The following CGREF1 variants were observed in gnomAD, a reference collection of about 807,000 sequenced individuals.
The protein encoded by CGREF1 is cell growth regulator with EF hand domain protein 1.
A neutral mutation model predicts 17.4 loss-of-function variants in CGREF1; 16 were observed. That is an observed-to-expected ratio of 0.92 (90% CI 0.62 to 1.40). The LOEUF (loss-of-function observed/expected upper bound fraction) is 1.40, where lower values mean the gene tolerates loss of function less well. Ranked by LOEUF, CGREF1 falls within the 40% of genes most tolerant of loss-of-function variation. CGREF1 has a pLI of 0.00. For synonymous variants in CGREF1, 142 were observed against 154.6 expected, an observed-to-expected ratio of 0.92 and a Z score of 0.61; for missense variants, 296 against 376.4, an observed-to-expected ratio of 0.79 and a Z score of 1.77.
At chr2:27,102,247 A>T in intron 4 of CGREF1, 26 bp from the exon 5 acceptor site, 2 of 1,611,450 alleles carry the variant, frequency 1.2e-6, no homozygotes, top group Non-Finnish European at 1.7e-6. Flanking sequence ...GCTGGATTAG[A>T]AGAGGTGCCG....
downstream of CGREF1, chr2:27,100,118 C>T (rs1229585714): frequency 3.6e-6 from 2 of 554,032 alleles, no homozygotes; most frequent in Non-Finnish European, 6.5e-6. Context: ...CGAGAAGTGC[C>T]CTGGGCTTGC....
rs2148376828 is a variant in CGREF1, at chr2:27,101,103, A to G, written c.*171T>C. 2 of 1,373,036 alleles carry G rather than the reference A, an allele frequency of 1.5e-6. No individual in the cohort carries two copies. Among genetic ancestry groups the G allele is most frequent in the African/African-American group, 2.9e-5 (2 of 67,970 alleles). 85.1% of individuals were successfully genotyped at this position (1,373,036 alleles called of 1,614,324 possible). ...TGAATTCATTCAGTTCTTTATTGGT[A>G]ATCTGCCCCTTAACTTAGGGTCTCC... On this transcript the variant is annotated 3_prime_UTR_variant, in exon 6 of 6. Transcript: ENST00000402394.
chr2:27,102,382 C>T lies in CGREF1; in HGVS notation c.195G>A (p.Leu65=). ...CACCCTGCTCCCGGCTCAGATGCTC[C>T]AGTTGCACTTCTGTCCTTCCTAGTC... is the stretch of plus-strand genomic sequence containing the variant. ...LKGLGRTEVQ[L]EHLSREQVLL... The change falls in exon 4 of 6, where the codon CTG becomes CTA. Residue 65 remains leucine (L), a synonymous_variant. Transcript: ENST00000402394. 6.2e-7 allele frequency: 1 copy of T among 1,614,202 alleles called. No individual in the cohort carries two copies. Among genetic ancestry groups the T allele is most frequent in the Non-Finnish European group, 8.5e-7 (1 of 1,180,020 alleles).
At chr2:27,111,574 G>A (rs538381304) in intron 1 of CGREF1, among the ~76,000 whole-genome samples, 1 of 152,214 alleles carries the variant, frequency 6.6e-6, no homozygotes, top group African/African-American at 2.4e-5. Flanking sequence ...GGTGGCGCTC[G>A]TTGGGAGGCT....
intron 2 of CGREF1, among the ~76,000 whole-genome samples, chr2:27,103,367 G>A (rs540152880): frequency 9.2e-6 from 1 of 108,606 alleles, no homozygotes; most frequent in East Asian, 3.3e-4. Flanking sequence ...CTTTGGTGTT[G>A]CCACCATAAG....
chr2:27,111,169 C>T (rs918934873), intron 1 of CGREF1, among the ~76,000 whole-genome samples: 1 of 152,202 alleles, frequency 6.6e-6, no homozygotes, highest in African/African-American at 2.4e-5. Context: ...GCTGATTGGT[C>T]CATTTTACAG....
chr2:27,106,133 A>G (rs550916741), intron 1 of CGREF1, among the ~76,000 whole-genome samples: 21 of 152,246 alleles, frequency 1.4e-4, no homozygotes, highest in Non-Finnish European at 2.4e-4. Flanking sequence ...TGGACTAGAA[A>G]AACATTCAGA....
intron 1 of CGREF1, among the ~76,000 whole-genome samples, chr2:27,114,569 TA>T (rs952480216): frequency 1.3e-5 from 2 of 152,068 alleles, no homozygotes; most frequent in African/African-American, 2.4e-5. Flanking sequence ...GTCCAAGTAA[TA>T]AAAGTGACCT....
intron 2 of CGREF1, chr2:27,102,845 T>C: frequency 1.3e-6 from 1 of 778,334 alleles, no homozygotes; most frequent in Non-Finnish European, 1.6e-6. Flanking sequence ...ACTGGTTAGG[T>C]AGAGGCCAGA....
At chr2:27,102,620 G>T in intron 2 of CGREF1, 29 bp from the exon 3 acceptor site, 1 of 1,596,124 alleles carries the variant, frequency 6.3e-7, no homozygotes, top group Non-Finnish European at 8.5e-7. Flanking sequence ...GACCAGCCTT[G>T]CAGAGAGCCT....
downstream of CGREF1, chr2:27,099,668 G>A: frequency 6.2e-7 from 1 of 1,614,152 alleles, no homozygotes; most frequent in Non-Finnish European, 8.5e-7. Context: ...CCTCCAGGGA[G>A]GAGCGTGCAG....
chr2:27,110,788 T>C (rs1211526201), intron 1 of CGREF1: 1 of 153,224 alleles, frequency 6.5e-6, no homozygotes, highest in African/African-American at 2.4e-5. Flanking sequence ...TGTCTGGAGT[T>C]TGTTCCTTCT....
At chr2:27,115,131 G>A (rs891280889) in intron 1 of CGREF1, among the ~76,000 whole-genome samples, 3 of 152,120 alleles carry the variant, frequency 2.0e-5, no homozygotes, top group African/African-American at 4.8e-5. Flanking sequence ...ATGGGTGTGC[G>A]TCCTGTGAAG....
chr2:27,105,452 T>C (rs1421679160), intron 1 of CGREF1, among the ~76,000 whole-genome samples: 1 of 152,186 alleles, frequency 6.6e-6, no homozygotes, highest in Non-Finnish European at 1.5e-5. Context: ...TAAACAAAAT[T>C]CTGCCTTTTA....
intron 1 of CGREF1, among the ~76,000 whole-genome samples, chr2:27,113,060 G>A (rs916775983): frequency 1.2e-4 from 18 of 152,194 alleles, no homozygotes; most frequent in Admixed American, 1.1e-3. Context: ...CCTACAGGGT[G>A]CCTGGGAGGT....
intron 1 of CGREF1, among the ~76,000 whole-genome samples, chr2:27,105,847 C>T (rs1026189690): frequency 2.1e-4 from 32 of 152,242 alleles, no homozygotes; most frequent in African/African-American, 7.5e-4. Context: ...GCACTTGGCC[C>T]GTCTTCATTT....
intron 1 of CGREF1, among the ~76,000 whole-genome samples, chr2:27,114,851 G>A (rs776264040): frequency 6.6e-6 from 1 of 152,194 alleles, no homozygotes; most frequent in African/African-American, 2.4e-5. Context: ...GTAGAAATGT[G>A]CTTGTCTCCA....
At chr2:27,109,038 G>A (rs1671243478) in intron 1 of CGREF1, among the ~76,000 whole-genome samples, 1 of 151,734 alleles carries the variant, frequency 6.6e-6, no homozygotes, top group African/African-American at 2.4e-5. Context: ...AACAATTTTA[G>A]GCAAATAACT....
intron 1 of CGREF1, among the ~76,000 whole-genome samples, chr2:27,105,058 A>G (rs950030331): frequency 6.6e-6 from 1 of 152,232 alleles, no homozygotes; most frequent in Non-Finnish European, 1.5e-5. Context: ...GCTTAGGCCC[A>G]TTGGCAAAAT....
Sources: gnomAD v4.1 joint callset for allele counts (sites outside exome capture counted in the v4.1 genomes callset) on GRCh38, gnomAD v4.1.1 for gene constraint, MANE v1.5 for transcripts, NCBI Gene and HGNC (gene_info 2026-07-23, HGNC 2026-07-21) for gene names.